The following ADCY8 variants were observed in gnomAD, a reference collection of about 807,000 sequenced individuals.
ADCY8 encodes adenylate cyclase 8.
ADCY8 carries 51 observed loss-of-function variants against 119.7 expected under a neutral mutation model. That is an observed-to-expected ratio of 0.43 (90% confidence interval 0.34 to 0.54). The LOEUF (loss-of-function observed/expected upper bound fraction) is 0.54, where lower values mean the gene tolerates loss of function less well. Ranked by LOEUF, ADCY8 falls within the 20% of genes least tolerant of loss-of-function variation. ADCY8 has a pLI of 0.03. For missense variants in ADCY8, 1,383 were observed against 1,598.8 expected, an observed-to-expected ratio of 0.87 and a Z score of 2.30; for synonymous variants, 665 against 651.0, an observed-to-expected ratio of 1.02 and a Z score of -0.33.
intron 1 of ADCY8, among the ~76,000 whole-genome samples, chr8:131,005,788 T>C (rs1474685128): frequency 3.9e-5 from 6 of 152,130 alleles, no homozygotes; most frequent in Non-Finnish European, 7.4e-5. Flanking sequence ...TCCCTCCCCT[T>C]GCCCCTTCAG....
At chr8:130,811,496 C>T (rs184303561) in intron 14 of ADCY8, among the ~76,000 whole-genome samples, 12 of 152,308 alleles carry the variant, frequency 7.9e-5, no homozygotes, top group Admixed American at 5.2e-4. Flanking sequence ...TCTTAGAGTT[C>T]GTAATTCTTG....
chr8:130,846,575 T>G (rs1304367769), intron 11 of ADCY8, among the ~76,000 whole-genome samples: 1 of 103,118 alleles, frequency 9.7e-6, no homozygotes, highest in Admixed American at 1.1e-4. Flanking sequence ...TTCCTTCCCC[T>G]TCTTCCCCTC....
chr8:130,808,843 G>T (rs1044217505), intron 14 of ADCY8, among the ~76,000 whole-genome samples: 3 of 152,168 alleles, frequency 2.0e-5, no homozygotes, highest in Non-Finnish European at 4.4e-5. Context: ...GATTTATGCT[G>T]TGTGGACTCT....
intron 8 of ADCY8, among the ~76,000 whole-genome samples, chr8:130,873,233 A>C (rs1818429910): frequency 6.6e-6 from 1 of 152,354 alleles, no homozygotes; most frequent in Non-Finnish European, 1.5e-5. Flanking sequence ...AAAGGCACTG[A>C]AAGATTCTTA....
At chr8:130,874,940 G>C (rs1157754187) in intron 8 of ADCY8, among the ~76,000 whole-genome samples, 1 of 152,072 alleles carries the variant, frequency 6.6e-6, no homozygotes, top group Non-Finnish European at 1.5e-5. Flanking sequence ...CCTGGTTGTA[G>C]ATGATAATGA....
Position 131,040,122 on chromosome 8 carries a change from G to A in ADCY8, c.212C>T (p.Pro71Leu). The A allele has an allele frequency of 6.5e-7, 1 of 1,527,236 alleles. No homozygotes were observed. The highest frequency in any genetic ancestry group is 1.2e-5 in the South Asian group (1 of 83,146). 94.6% of individuals were successfully genotyped at this position (1,527,236 alleles called of 1,614,324 possible). A position where few individuals can be genotyped will look rare whatever the true frequency, so the allele number is the denominator to read the frequency against. The part of the protein sequence containing the change: ...GSGGSGKASD[P>L]AGGGPNHHAP... ...GTGGTGGTTGGGGCCGCCGCCCGCA[G>A]GGTCCGAGGCTTTGCCCGAGCCTCC... Residue 71 changes from proline to leucine, a missense_variant, in exon 1 of 18, where the codon CCT (proline) becomes CTT (leucine). Around this residue, in one of 2 missense-constraint regions of ADCY8, gnomAD observed 455 missense variants for 435.3 expected, o/e 1.05. Transcript: ENST00000286355.
chr8:130,932,953 C>A (rs1288792527), intron 5 of ADCY8, among the ~76,000 whole-genome samples: 1 of 152,088 alleles, frequency 6.6e-6, no homozygotes, highest in African/African-American at 2.4e-5. Flanking sequence ...TAGATCTCAC[C>A]TAAACAAGGA....
intron 5 of ADCY8, among the ~76,000 whole-genome samples, chr8:130,920,376 T>A (rs188255077): frequency 2.0e-5 from 3 of 152,170 alleles, no homozygotes; most frequent in Admixed American, 2.0e-4. Flanking sequence ...GATCCAAGGA[T>A]GCTAATGGAA....
intron 12 of ADCY8, among the ~76,000 whole-genome samples, chr8:130,824,864 A>G (rs905455033): frequency 6.6e-6 from 1 of 152,222 alleles, no homozygotes; most frequent in South Asian, 2.1e-4. Context: ...GCAGAGCCCT[A>G]TGTGAATGCA....
intron 1 of ADCY8, among the ~76,000 whole-genome samples, chr8:131,030,973 A>G (rs1461619015): frequency 6.6e-6 from 1 of 152,146 alleles, no homozygotes; most frequent in Non-Finnish European, 1.5e-5. Context: ...CTACTTTTCC[A>G]TGCCTGCAAA....
intron 8 of ADCY8, among the ~76,000 whole-genome samples, chr8:130,881,335 C>G (rs187909019): frequency 6.6e-5 from 10 of 152,220 alleles, no homozygotes. Context: ...TATAGGCAAA[C>G]GTGACCAGGG....
chr8:130,903,733 G>T, intron 7 of ADCY8, 39 bp downstream of exon 7: 1 of 1,604,066 alleles, frequency 6.2e-7, no homozygotes, highest in Non-Finnish European at 8.5e-7. Context: ...ACACGAGCAT[G>T]CATTCATGGC....
At chr8:130,928,023 C>T (rs1246524427) in intron 5 of ADCY8, among the ~76,000 whole-genome samples, 2 of 152,172 alleles carry the variant, frequency 1.3e-5, no homozygotes, top group Admixed American at 6.5e-5. Context: ...AAGGACTCCT[C>T]CCACCTCAGC....
chr8:131,013,045 A>G lies in ADCY8; in HGVS notation c.961-22503T>C, dbSNP rs1823360036. On this transcript the variant is annotated intron_variant, in intron 1 of 17. Transcript: ENST00000286355. ...TCAATGGATTTAATTAGTTTGTACCATCTAGGTTATTAGGTTAATGTTGAT... is the reference window on the plus strand; with the variant it reads ...TCAATGGATTTAATTAGTTTGTACCGTCTAGGTTATTAGGTTAATGTTGAT... 4.6e-5 allele frequency among the ~76,000 whole-genome samples: 7 copies of G among 152,302 alleles called. 1 individual carries two copies. In the South Asian group the frequency reaches 1.5e-3, roughly 32 times the overall value.
chr8:130,861,388 G>T lies in ADCY8; in HGVS notation c.2210+6458C>A, dbSNP rs530212789. On this transcript the variant is annotated intron_variant, in intron 9 of 17. Transcript: ENST00000286355. ...TGATTTATTTCATCAGTGTTTTGAA[G>T]ATTTCTTGTACAAATTTTGTTAAAT... 1.3e-4 allele frequency among the ~76,000 whole-genome samples: 20 copies of T among 152,200 alleles called. No homozygotes were observed. In the South Asian group the frequency reaches 3.9e-3, roughly 30 times the overall value.
At chr8:130,814,012 A>C in intron 14 of ADCY8, 57 bp downstream of exon 14, 1 of 1,597,332 alleles carries the variant, frequency 6.3e-7, no homozygotes, top group Non-Finnish European at 8.6e-7. Flanking sequence ...CAATGTGAAC[A>C]ACTGCACATC....
At chr8:130,918,266 T>A (rs1207953556) in intron 5 of ADCY8, among the ~76,000 whole-genome samples, 1 of 152,142 alleles carries the variant, frequency 6.6e-6, no homozygotes, top group Non-Finnish European at 1.5e-5. Flanking sequence ...GAGGGCCCTC[T>A]TCCTGGCTTG....
At chr8:131,011,919 C>T (rs145906102) in intron 1 of ADCY8, among the ~76,000 whole-genome samples, 34 of 152,190 alleles carry the variant, frequency 2.2e-4, no homozygotes, top group Non-Finnish European at 4.0e-4. Flanking sequence ...ACATAGTGGA[C>T]ACACTAAATC....
Position 130,849,734 on chromosome 8 carries a change from T to A in ADCY8, c.2280A>T (p.Thr760=). The change falls in exon 10 of 18, where the codon ACA becomes ACT. Residue 760 remains threonine, a synonymous_variant. Coordinates refer to ENST00000286355, the MANE Select transcript of ADCY8 (RefSeq NM_001115.3). ...MLHSALVLIT[T]AEDYKCLPLI... is the part of the protein sequence containing the mutation. Reference sequence around the variant, plus strand: ...GGGGCAAACATTTATAATCCTCTGCTGTGGTGATGAGGACCAGAGCCGAGT... The same window carrying A: ...GGGGCAAACATTTATAATCCTCTGCAGTGGTGATGAGGACCAGAGCCGAGT... 6.2e-7 allele frequency: 1 copy of A among 1,613,942 alleles called. No individual in the cohort carries two copies. The highest frequency in any genetic ancestry group is 8.5e-7 in the Non-Finnish European group (1 of 1,179,896).
Sources: gnomAD v4.1 joint callset for allele counts (sites outside exome capture counted in the v4.1 genomes callset) on GRCh38, gnomAD v4.1.1 for gene constraint, gnomAD v4.1.1 regional missense constraint, MANE v1.5 for transcripts, NCBI Gene and HGNC (gene_info 2026-07-23, HGNC 2026-07-21) for gene names.